HS6ST3: variants seen among roughly 807,000 people sequenced by gnomAD.
The protein encoded by HS6ST3 is heparan sulfate 6-O-sulfotransferase 3.
Under a neutral mutation model 36.7 loss-of-function variants are expected in HS6ST3, and 12 were observed. The ratio of observed to expected loss-of-function variants is 0.33; its 90% confidence interval spans 0.21 to 0.53. HS6ST3 has a LOEUF of 0.53. HS6ST3 is among the 20% of genes least tolerant of loss of function. HS6ST3 has a pLI of 0.95. For synonymous variants in HS6ST3, 240 were observed against 257.5 expected (o/e 0.93, Z 0.65); for missense variants, 584 against 640.9 (o/e 0.91, Z 0.96).
chr13:96,716,750 C>A (rs1875706515), intron 1 of HS6ST3, among the ~76,000 whole-genome samples: 1 of 152,082 alleles, frequency 6.6e-6, no homozygotes, highest in Admixed American at 6.6e-5. Flanking sequence ...TGTTTTATTT[C>A]TGTTCTTGTT....
intron 1 of HS6ST3, among the ~76,000 whole-genome samples, chr13:96,333,583 G>T (rs552696898): frequency 7.9e-5 from 12 of 152,284 alleles, no homozygotes; most frequent in African/African-American, 2.9e-4. Context: ...AGCTTTTGGA[G>T]TAGCAATAGT....
At chr13:96,439,884 AT>A (rs1287044099) in intron 1 of HS6ST3, among the ~76,000 whole-genome samples, 1 of 152,188 alleles carries the variant, frequency 6.6e-6, no homozygotes, top group Non-Finnish European at 1.5e-5. Flanking sequence ...AGTCTGGGTA[AT>A]TTTGGGTAGT....
chr13:96,744,490 C>T (rs1876516797), intron 1 of HS6ST3, among the ~76,000 whole-genome samples: 1 of 152,024 alleles, frequency 6.6e-6, no homozygotes, highest in Non-Finnish European at 1.5e-5. Flanking sequence ...AACGAACAGG[C>T]TTTCCATTTG....
At chr13:96,257,894 T>C (rs72642958) in intron 1 of HS6ST3, among the ~76,000 whole-genome samples, 8,230 of 152,328 alleles carry the variant, frequency 0.054, 318 homozygotes, top group Admixed American at 0.13. Context: ...TGATATTTCA[T>C]TGGGTATAAT....
intron 1 of HS6ST3, among the ~76,000 whole-genome samples, chr13:96,488,530 G>A (rs1045865655): frequency 2.0e-5 from 3 of 152,022 alleles, no homozygotes; most frequent in Admixed American, 6.6e-5. Flanking sequence ...CATAACTTCT[G>A]ATTGAGTGTC....
intron 1 of HS6ST3, among the ~76,000 whole-genome samples, chr13:96,449,628 C>T (rs1249659230): frequency 6.6e-6 from 1 of 152,070 alleles, no homozygotes; most frequent in Non-Finnish European, 1.5e-5. Context: ...TATATATTTC[C>T]ATATGTATAT....
chr13:96,457,984 T>C (rs967325432), intron 1 of HS6ST3, among the ~76,000 whole-genome samples: 1 of 152,126 alleles, frequency 6.6e-6, no homozygotes, highest in Non-Finnish European at 1.5e-5. Flanking sequence ...CCTATTCTAC[T>C]AGATAACTTT....
chr13:96,671,384 T>G (rs1460125321), intron 1 of HS6ST3, among the ~76,000 whole-genome samples: 1 of 152,112 alleles, frequency 6.6e-6, no homozygotes, highest in African/African-American at 2.4e-5. Flanking sequence ...TCAACTGAAG[T>G]TATGCCCAAC....
intron 1 of HS6ST3, among the ~76,000 whole-genome samples, chr13:96,312,452 TTA>T (rs1218124892): frequency 6.6e-6 from 1 of 152,174 alleles, no homozygotes; most frequent in Admixed American, 6.5e-5. Flanking sequence ...TTATAATAAA[TTA>T]TAGTTTGTTA....
chr13:96,511,283 G>A (rs983725996), intron 1 of HS6ST3, among the ~76,000 whole-genome samples: 31 of 152,144 alleles, frequency 2.0e-4, no homozygotes, highest in African/African-American at 5.1e-4. Flanking sequence ...AGAGGTTGCC[G>A]GGTCAGAGTT....
chr13:96,592,257 AT>A lies in HS6ST3; in HGVS notation c.708-240232del, dbSNP rs149273853. Among the ~76,000 whole-genome samples the A allele has an allele frequency of 4.5e-3, 683 of 152,292 alleles. 3 individuals are homozygous for A. Among genetic ancestry groups the A allele is most frequent in the African/African-American group, 0.015 (608 of 41,590 alleles). ...AACTAAACGCTGTTTGCATAAACAA[AT>A]AAACAAACAAGCAAAAAAAGCTAAC... On this transcript the variant is annotated intron_variant, in intron 1 of 1. Transcript: ENST00000376705.
chr13:96,579,145 A>G (rs1247539339), intron 1 of HS6ST3, among the ~76,000 whole-genome samples: 1 of 152,160 alleles, frequency 6.6e-6, no homozygotes, highest in Non-Finnish European at 1.5e-5. Flanking sequence ...ACTGTTTATA[A>G]TAAAAATCAT....
intron 1 of HS6ST3, among the ~76,000 whole-genome samples, chr13:96,803,099 G>T (rs950647039): frequency 6.6e-6 from 1 of 152,076 alleles, no homozygotes; most frequent in Non-Finnish European, 1.5e-5. Context: ...TTTCCCAACT[G>T]CTCTGGTTGT....
intron 1 of HS6ST3, among the ~76,000 whole-genome samples, chr13:96,687,993 C>A (rs1194242648): frequency 1.3e-5 from 2 of 150,050 alleles, no homozygotes; most frequent in African/African-American, 4.9e-5. Context: ...CACATGTTCT[C>A]ACTCATAGGT....
intron 1 of HS6ST3, among the ~76,000 whole-genome samples, chr13:96,523,530 G>A (rs368963755): frequency 1.3e-5 from 2 of 152,002 alleles, no homozygotes; most frequent in African/African-American, 4.8e-5. Context: ...GTCTTTTCAC[G>A]TAGTCCCATA....
chr13:96,273,040 C>T (rs772282587), intron 1 of HS6ST3, among the ~76,000 whole-genome samples: 6 of 151,906 alleles, frequency 3.9e-5, no homozygotes, highest in Non-Finnish European at 5.9e-5. Flanking sequence ...AGGAATCCTA[C>T]ACTAAAATAA....
At chr13:96,491,866 A>G (rs1340549228) in intron 1 of HS6ST3, among the ~76,000 whole-genome samples, 1 of 152,074 alleles carries the variant, frequency 6.6e-6, no homozygotes, top group East Asian at 1.9e-4. Flanking sequence ...GATCTCCCAG[A>G]CAACTTTTTC....
intron 1 of HS6ST3, among the ~76,000 whole-genome samples, chr13:96,821,729 G>A (rs1878539553): frequency 6.6e-6 from 1 of 152,156 alleles, no homozygotes; most frequent in Non-Finnish European, 1.5e-5. Context: ...GAATCAGATT[G>A]GAATCTCACA....
At chr13:96,467,090 C>G (rs1271789442) in intron 1 of HS6ST3, among the ~76,000 whole-genome samples, 2 of 152,174 alleles carry the variant, frequency 1.3e-5, no homozygotes, top group African/African-American at 4.8e-5. Context: ...CCCATTGCAA[C>G]ATATGTATAA....
Sources: allele counts gnomAD v4.1 joint callset (sites outside exome capture counted in the v4.1 genomes callset), GRCh38; gene constraint gnomAD v4.1.1; transcripts MANE v1.5; gene names NCBI Gene and HGNC (gene_info 2026-07-23, HGNC 2026-07-21).